The following CRTC3 variants were observed in gnomAD, a reference collection of about 807,000 sequenced individuals.
CRTC3 encodes the protein CREB-regulated transcription coactivator 3.
CRTC3 carries 26 observed loss-of-function variants against 74.5 expected under a neutral mutation model. That is an observed-to-expected ratio of 0.35 (90% CI 0.26 to 0.48). The LOEUF is 0.48. Ranked by LOEUF, CRTC3 falls within the 20% of genes least tolerant of loss-of-function variation. The pLI is 0.99. For missense variants in CRTC3, 760 were observed against 787.3 expected (o/e 0.97, Z 0.41); for synonymous variants, 377 against 325.8 (o/e 1.16, Z -1.69).
At chr15:90,573,568 T>G (rs780950301) in intron 2 of CRTC3, among the ~76,000 whole-genome samples, 5 of 152,138 alleles carry the variant, frequency 3.3e-5, no homozygotes, top group Non-Finnish European at 7.4e-5. Flanking sequence ...TTTTTTCCTC[T>G]GTAGCTAATC....
At chr15:90,587,902 C>T (rs1361280702) in intron 2 of CRTC3, among the ~76,000 whole-genome samples, 3 of 151,754 alleles carry the variant, frequency 2.0e-5, no homozygotes, top group East Asian at 2.0e-4. Flanking sequence ...GCCTGAGCCA[C>T]TATGCCTGGC....
intron 11 of CRTC3, chr15:90,634,919 G>A: frequency 1.3e-6 from 2 of 1,576,958 alleles, no homozygotes; most frequent in Non-Finnish European, 1.7e-6. Context: ...CAGTTAGCGT[G>A]AAAGTTGGAG....
intron 13 of CRTC3, among the ~76,000 whole-genome samples, chr15:90,639,936 C>T (rs964785852): frequency 6.6e-6 from 1 of 151,966 alleles, no homozygotes; most frequent in Non-Finnish European, 1.5e-5. Flanking sequence ...GTAGTCCCAG[C>T]TACTCGGGAG....
intron 1 of CRTC3, among the ~76,000 whole-genome samples, chr15:90,531,321 A>G (rs899758394): frequency 2.0e-5 from 3 of 152,168 alleles, no homozygotes; most frequent in Non-Finnish European, 4.4e-5. Context: ...CATGACAGCT[A>G]CCGACCTGCT....
chr15:90,538,924 C>A (rs1024896611), intron 1 of CRTC3, among the ~76,000 whole-genome samples: 1 of 152,122 alleles, frequency 6.6e-6, no homozygotes, highest in Non-Finnish European at 1.5e-5. Context: ...ACTGAACTTC[C>A]GAGTCTGGGT....
At chr15:90,629,136 C>A (rs1033714745) in intron 10 of CRTC3, 98 bp from the exon 11 acceptor site, 1 of 1,163,234 alleles carries the variant, frequency 8.6e-7, no homozygotes, top group Non-Finnish European at 1.2e-6. Context: ...CCTACAGAAT[C>A]ATCATCGCAT....
intron 9 of CRTC3, 73 bp from the exon 10 acceptor site, chr15:90,625,703 G>T: frequency 7.5e-7 from 1 of 1,341,190 alleles, no homozygotes; most frequent in Non-Finnish European, 1.1e-6. Flanking sequence ...ACAAGGAAAA[G>T]GTTTCAGCCA....
At position 90,584,671 on chromosome 15, in the gene CRTC3, C is replaced by T. The variant is rs557231366; in HGVS notation, c.232-8965C>T. Reference sequence around the variant, plus strand: ...ACTAAAGAAGTAAACTAAAGAAGAACCAAGCAGCATCATGGGCAAGCTGGA... The same window carrying T: ...ACTAAAGAAGTAAACTAAAGAAGAATCAAGCAGCATCATGGGCAAGCTGGA... On this transcript the variant is annotated intron_variant, in intron 2 of 14. Coordinates refer to ENST00000268184, the MANE Select transcript of CRTC3 (RefSeq NM_022769.5). 2.6e-5 allele frequency among the ~76,000 whole-genome samples: 4 copies of T among 152,226 alleles called. No homozygotes were observed. In the South Asian group the frequency reaches 8.3e-4, roughly 32 times the overall value.
chr15:90,537,440 A>G (rs900650526), intron 1 of CRTC3, among the ~76,000 whole-genome samples: 1 of 151,780 alleles, frequency 6.6e-6, no homozygotes, highest in Non-Finnish European at 1.5e-5. Flanking sequence ...CTGGAGTGCA[A>G]TGGCGCCATC....
At chr15:90,600,614 TCA>T (rs1968043679) in intron 3 of CRTC3, 1 of 152,178 alleles carries the variant, frequency 6.6e-6, no homozygotes, top group African/African-American at 2.4e-5. Context: ...GAACTGAGCC[TCA>T]GTTTCTTCAG....
At chr15:90,604,273 C>G in intron 4 of CRTC3, 112 bp from the exon 5 acceptor site, 1 of 785,100 alleles carries the variant, frequency 1.3e-6, no homozygotes, top group Admixed American at 2.0e-5. Flanking sequence ...TTAAGTAACT[C>G]TTGCAGAGCG....
intron 5 of CRTC3, among the ~76,000 whole-genome samples, chr15:90,605,890 C>A (rs999519838): frequency 6.6e-6 from 1 of 152,240 alleles, no homozygotes; most frequent in South Asian, 2.1e-4. Flanking sequence ...TTGAAGCTAT[C>A]TGGGAGAATT....
At chr15:90,634,580 C>T in intron 11 of CRTC3, 1 of 419,556 alleles carries the variant, frequency 2.4e-6, no homozygotes, top group East Asian at 4.2e-5. Context: ...TGTGTCTGCT[C>T]TGGCCTCTGA....
intron 2 of CRTC3, among the ~76,000 whole-genome samples, chr15:90,582,651 T>C (rs1967570198): frequency 6.6e-6 from 1 of 152,220 alleles, no homozygotes; most frequent in African/African-American, 2.4e-5. Flanking sequence ...TACAAAAAAA[T>C]AGAAAGCTAA....
intron 2 of CRTC3, among the ~76,000 whole-genome samples, chr15:90,578,960 C>A (rs1359820946): frequency 1.3e-5 from 2 of 152,076 alleles, no homozygotes; most frequent in Non-Finnish European, 2.9e-5. Context: ...TGCTGTGTGC[C>A]TGTGAGGTGT....
chr15:90,637,087 A>G (rs1474089698), intron 11 of CRTC3, among the ~76,000 whole-genome samples: 1 of 152,256 alleles, frequency 6.6e-6, no homozygotes, highest in Non-Finnish European at 1.5e-5. Context: ...TCATGCTGCT[A>G]TAAAAACACA....
At chr15:90,532,358 A>G (rs533384209) in intron 1 of CRTC3, among the ~76,000 whole-genome samples, 2 of 152,338 alleles carry the variant, frequency 1.3e-5, no homozygotes, top group South Asian at 4.1e-4. Context: ...ATGCGTCTCT[A>G]AGGATCCAAA....
At chr15:90,625,293 A>G (rs529651969) in intron 9 of CRTC3, among the ~76,000 whole-genome samples, 153 of 152,328 alleles carry the variant, frequency 1.0e-3, no homozygotes, top group African/African-American at 3.6e-3. Flanking sequence ...TGCCTAGCCC[A>G]TAGATTGTGA....
At chr15:90,606,800 G>A (rs1968233541) in intron 5 of CRTC3, 1 of 152,266 alleles carries the variant, frequency 6.6e-6, no homozygotes, top group Non-Finnish European at 1.5e-5. Flanking sequence ...CTCCAAGGCA[G>A]CTGGGTGGTC....
Sources: gnomAD v4.1 joint callset for allele counts (sites outside exome capture counted in the v4.1 genomes callset) on GRCh38, gnomAD v4.1.1 for gene constraint, MANE v1.5 for transcripts, NCBI Gene and HGNC (gene_info 2026-07-23, HGNC 2026-07-21) for gene names.